The following TAFA1 variants were observed in gnomAD, a reference collection of about 807,000 sequenced individuals.
The protein encoded by TAFA1 is TAFA chemokine like family member 1, also known as chemokine-like protein TAFA-1.
Under a neutral mutation model 18.5 loss-of-function variants are expected in TAFA1, and 4 were observed. The observed-to-expected ratio is 0.22, with a 90% CI of 0.11 to 0.49. The LOEUF (loss-of-function observed/expected upper bound fraction) is 0.49. Among genes scored for constraint, TAFA1 ranks in the 20% least tolerant of loss-of-function variants. TAFA1 has a pLI of 0.98. For synonymous variants in TAFA1, 56 were observed against 55.2 expected, an observed-to-expected ratio of 1.01 and a Z score of -0.06; for missense variants, 147 against 169.0, an observed-to-expected ratio of 0.87 and a Z score of 0.72.
intron 2 of TAFA1, among the ~76,000 whole-genome samples, chr3:68,100,774 T>A (rs543636114): frequency 1.1e-4 from 17 of 152,316 alleles, no homozygotes; most frequent in Admixed American, 7.8e-4. Flanking sequence ...CAGGAATGAA[T>A]GAGATTTCAT....
At chr3:68,275,493 A>G (rs2067777368) in intron 2 of TAFA1, among the ~76,000 whole-genome samples, 1 of 143,320 alleles carries the variant, frequency 7.0e-6, no homozygotes, top group African/African-American at 2.6e-5. Context: ...GCCTTGTAAG[A>G]TTAGGGGACT....
At chr3:68,204,125 C>T (rs139037952) in intron 2 of TAFA1, among the ~76,000 whole-genome samples, 43 of 151,792 alleles carry the variant, frequency 2.8e-4, no homozygotes, top group African/African-American at 9.6e-4. Context: ...TCTGTCTTTC[C>T]AATTCTGGGG....
intron 3 of TAFA1, among the ~76,000 whole-genome samples, chr3:68,496,142 T>G (rs2072545311): frequency 6.6e-6 from 1 of 152,160 alleles, no homozygotes; most frequent in Admixed American, 6.5e-5. Flanking sequence ...CCTACCCTTT[T>G]ACGCAGAAAG....
chr3:68,475,429 G>T (rs2072073123), intron 3 of TAFA1, among the ~76,000 whole-genome samples: 2 of 151,518 alleles, frequency 1.3e-5, no homozygotes, highest in Admixed American at 6.6e-5. Flanking sequence ...TTGTCCTTGT[G>T]ATGGTTTACT....
chr3:68,441,595 A>G (rs1307798312), intron 3 of TAFA1, among the ~76,000 whole-genome samples: 2 of 152,158 alleles, frequency 1.3e-5, no homozygotes, highest in African/African-American at 4.8e-5. Flanking sequence ...CCAGCATTCC[A>G]TCATCAAATA....
chr3:68,420,487 T>C (rs546866919), intron 3 of TAFA1, among the ~76,000 whole-genome samples: 2 of 152,192 alleles, frequency 1.3e-5, no homozygotes, highest in Non-Finnish European at 2.9e-5. Context: ...ACCAAGGTGC[T>C]AGGATTACAG....
intron 2 of TAFA1, among the ~76,000 whole-genome samples, chr3:68,392,557 C>T (rs745488010): frequency 6.6e-6 from 1 of 152,110 alleles, no homozygotes; most frequent in Non-Finnish European, 1.5e-5. Flanking sequence ...ACAGAATATA[C>T]GTTCTTCTCA....
chr3:68,517,149 C>G (rs759661935), intron 3 of TAFA1, among the ~76,000 whole-genome samples: 7 of 152,156 alleles, frequency 4.6e-5, no homozygotes, highest in Non-Finnish European at 8.8e-5. Context: ...ATTATCATGT[C>G]TTCAACACCT....
Position 68,125,554 on chromosome 3 carries a change from A to C in TAFA1, c.118+118810A>C, listed in dbSNP as rs2065454100. On this transcript the variant is annotated intron_variant, in intron 2 of 4. Coordinates refer to ENST00000478136, the MANE Select transcript of TAFA1 (RefSeq NM_213609.4). ...CTGCCTGGGGCCATTGTAATATCTG[A>C]GATGTGGAAGCCCTTTGTCTTATTA... 2.0e-5 allele frequency among the ~76,000 whole-genome samples: 3 copies of C among 152,192 alleles called. 1 individual carries two copies. In the South Asian group the frequency reaches 6.2e-4, roughly 32 times the overall value.
At chr3:68,385,493 A>G (rs1559645106) in intron 2 of TAFA1, among the ~76,000 whole-genome samples, 1 of 152,110 alleles carries the variant, frequency 6.6e-6, no homozygotes, top group Non-Finnish European at 1.5e-5. Flanking sequence ...GACGGCACTT[A>G]AAGTCTCTGG....
upstream of TAFA1, among the ~76,000 whole-genome samples, chr3:68,001,565 A>G (rs1241489301): frequency 8.6e-5 from 12 of 138,996 alleles, no homozygotes; most frequent in African/African-American, 3.0e-4. Flanking sequence ...GTTGGGTTTT[A>G]TTTTGTTGTT....
At chr3:68,442,778 G>A (rs1307128348) in intron 3 of TAFA1, among the ~76,000 whole-genome samples, 1 of 152,132 alleles carries the variant, frequency 6.6e-6, no homozygotes, top group Non-Finnish European at 1.5e-5. Flanking sequence ...ATGGATTTTA[G>A]TGCCTGCAGA....
intron 2 of TAFA1, among the ~76,000 whole-genome samples, chr3:68,231,402 G>C (rs1046578843): frequency 2.4e-5 from 3 of 126,544 alleles, no homozygotes; most frequent in Non-Finnish European, 4.7e-5. Context: ...CGCCCAGGCC[G>C]GACTGCGGAC....
intron 2 of TAFA1, among the ~76,000 whole-genome samples, chr3:68,207,128 T>C (rs909026964): frequency 6.6e-6 from 1 of 151,922 alleles, no homozygotes; most frequent in African/African-American, 2.4e-5. Flanking sequence ...TGATGAATAG[T>C]TTTTAGAAAG....
At chr3:68,168,866 T>C (rs1320717629) in intron 2 of TAFA1, among the ~76,000 whole-genome samples, 1 of 152,234 alleles carries the variant, frequency 6.6e-6, no homozygotes, top group Non-Finnish European at 1.5e-5. Flanking sequence ...GGAAGCTGGA[T>C]GCAATTTCTA....
intron 2 of TAFA1, among the ~76,000 whole-genome samples, chr3:68,216,383 T>G (rs2066657938): frequency 6.6e-6 from 1 of 152,068 alleles, no homozygotes; most frequent in African/African-American, 2.4e-5. Flanking sequence ...CTAATTCTAT[T>G]AAAATATATA....
At position 68,124,118 on chromosome 3, in the gene TAFA1, CT is replaced by C. The variant is rs550289878; in HGVS notation, c.118+117382del. 3.0e-3 allele frequency among the ~76,000 whole-genome samples: 452 copies of C among 151,906 alleles called. 4 individuals carry two copies. Among genetic ancestry groups the C allele is most frequent in the Non-Finnish European group, 5.4e-3 (365 of 67,928 alleles). Reference sequence around the variant, plus strand: ...TCATGTATAGAGAGTTTGAGGGTTTCTTTTTTTTATTTGAAGTAAGTTAATG... The same window carrying C: ...TCATGTATAGAGAGTTTGAGGGTTTCTTTTTTTATTTGAAGTAAGTTAATG... On this transcript the variant is annotated intron_variant, in intron 2 of 4. Coordinates refer to ENST00000478136, the MANE Select transcript of TAFA1 (RefSeq NM_213609.4).
At chr3:68,338,964 G>T (rs867752588) in intron 2 of TAFA1, among the ~76,000 whole-genome samples, 8 of 152,154 alleles carry the variant, frequency 5.3e-5, no homozygotes, top group Admixed American at 2.6e-4. Context: ...TCTTCCTAGG[G>T]CATAGTCGTC....
chr3:68,120,192 TCTTTCTTTCTTTCTTTCTTTCTTTC>T (rs2065376569), intron 2 of TAFA1, among the ~76,000 whole-genome samples: 1 of 43,160 alleles, frequency 2.3e-5, no homozygotes, highest in Non-Finnish European at 4.9e-5. Context: ...TTTCTTTCTT[TCTTTCTTTCTTTCTTTCTTTCTTTC>T]TTTCTTTCTT....
Sources: allele counts gnomAD v4.1 joint callset (sites outside exome capture counted in the v4.1 genomes callset), GRCh38; gene constraint gnomAD v4.1.1; transcripts MANE v1.5; gene names NCBI Gene and HGNC (gene_info 2026-07-23, HGNC 2026-07-21).